Variants in U2SURP observed in about 807,000 individuals in gnomAD.
The protein encoded by U2SURP is U2 snRNP associated SURP domain containing, also known as U2 snRNP-associated SURP motif-containing protein.
A neutral mutation model predicts 144.9 loss-of-function variants in U2SURP; 9 were observed. That is an observed-to-expected ratio of 0.06 (90% CI 0.04 to 0.11). U2SURP has a LOEUF of 0.11. Among genes scored for constraint, U2SURP ranks in the 10% least tolerant of loss-of-function variants. U2SURP has a pLI of 1.00. For missense variants in U2SURP, 724 were observed against 1,226.7 expected (o/e 0.59, Z 6.12); for synonymous variants, 408 against 396.8 (o/e 1.03, Z -0.33).
intron 23 of U2SURP, among the ~76,000 whole-genome samples, chr3:143,039,555 A>G (rs1933988299): frequency 6.7e-6 from 1 of 149,952 alleles, no homozygotes; most frequent in South Asian, 2.1e-4. Flanking sequence ...GGCAGTTTTT[A>G]GGAAGTTCTT....
intron 17 of U2SURP, 27 bp downstream of exon 17, chr3:143,032,973 G>C: frequency 6.3e-7 from 1 of 1,598,700 alleles, no homozygotes; most frequent in Non-Finnish European, 8.5e-7. Flanking sequence ...TAAGAAAAGG[G>C]GAGATAGTTG....
Position 143,023,015 on chromosome 3 carries a change from C to T in U2SURP, c.1181C>T (p.Pro394Leu). ...NAQPRERLKN[P>L]NAPMLPPPKN... is the part of the protein sequence containing the mutation. ...CAGCCTAGAGAGCGGTTAAAAAACCCTAATGCTCCTATGTTACCGCCACCT... is the reference window on the plus strand; with the variant it reads ...CAGCCTAGAGAGCGGTTAAAAAACCTTAATGCTCCTATGTTACCGCCACCT... Residue 394 changes from proline to leucine, a missense_variant, in exon 12 of 28, where the codon CCT becomes CTT. Physicochemically the swap from Pro to Leu is moderately conservative, Grantham distance 98. Transcript: ENST00000473835. 1.2e-6 allele frequency: 2 copies of T among 1,610,978 alleles called. No homozygotes were observed. Among genetic ancestry groups the T allele is most frequent in the Non-Finnish European group, 1.7e-6 (2 of 1,178,508 alleles).
At chr3:143,039,587 A>G (rs940748739) in intron 23 of U2SURP, among the ~76,000 whole-genome samples, 1 of 143,540 alleles carries the variant, frequency 7.0e-6, no homozygotes, top group African/African-American at 2.6e-5. Flanking sequence ...AAATCATTGC[A>G]AAGGGAGTTG....
At chr3:143,046,297 A>ATTTTTTT (rs11400849) in intron 24 of U2SURP, among the ~76,000 whole-genome samples, 26 of 106,334 alleles carry the variant, frequency 2.4e-4, no homozygotes, top group Non-Finnish European at 3.1e-4. Context: ...TTTATTTTTT[A>ATTTTTTT]TTTTTTTTTA....
At chr3:143,029,339 A>G (rs975902382) in intron 16 of U2SURP, among the ~76,000 whole-genome samples, 1 of 152,198 alleles carries the variant, frequency 6.6e-6, no homozygotes, top group Non-Finnish European at 1.5e-5. Context: ...CCCTAAGTCA[A>G]ACAAATCTGT....
intron 1 of U2SURP, among the ~76,000 whole-genome samples, chr3:143,004,618 C>T (rs953571451): frequency 2.3e-5 from 3 of 130,406 alleles, no homozygotes; most frequent in Non-Finnish European, 4.7e-5. Context: ...GGATTATAGG[C>T]GTGAGCCACC....
chr3:143,036,201 T>G (rs1279733050), intron 20 of U2SURP, 97 bp downstream of exon 20: 4 of 1,313,266 alleles, frequency 3.0e-6, no homozygotes, highest in Non-Finnish European at 3.0e-6. Flanking sequence ...GGTACATTTC[T>G]TTGTGAAAAA....
Position 143,038,223 on chromosome 3 carries a change from A to G in U2SURP, c.2317+20A>G. The G allele has an allele frequency of 2.6e-6, 4 of 1,533,380 alleles. No homozygotes were observed. Among genetic ancestry groups the G allele is most frequent in the African/African-American group, 2.8e-5 (2 of 71,394 alleles). 95.0% of individuals were successfully genotyped at this position (1,533,380 alleles called of 1,614,324 possible). A position where few individuals can be genotyped will look rare whatever the true frequency, so the allele number is the denominator to read the frequency against. Reference sequence around the variant, plus strand: ...CACAGGGTGAGTAAAAGTAAAATAAATATTTTTTAAATTAAGTACTTGTAC... The same window carrying G: ...CACAGGGTGAGTAAAAGTAAAATAAGTATTTTTTAAATTAAGTACTTGTAC... On this transcript the variant is annotated intron_variant, in intron 22 of 27. Coordinates refer to ENST00000473835, the MANE Select transcript of U2SURP (RefSeq NM_001080415.2).
At chr3:143,035,909 T>A in intron 19 of U2SURP, 73 bp from the exon 20 acceptor site, 1 of 1,451,910 alleles carries the variant, frequency 6.9e-7, no homozygotes, top group Non-Finnish European at 9.1e-7. Context: ...ATCTTGATGA[T>A]CATTCTCATG....
At chr3:143,034,150 T>C (rs894448906) in intron 18 of U2SURP, among the ~76,000 whole-genome samples, 2 of 152,202 alleles carry the variant, frequency 1.3e-5, no homozygotes, top group African/African-American at 4.8e-5. Context: ...ACGCCTGTAA[T>C]CTCAGCACTT....
intron 1 of U2SURP, among the ~76,000 whole-genome samples, chr3:143,006,659 T>C (rs1313182865): frequency 6.6e-6 from 1 of 152,076 alleles, no homozygotes; most frequent in Non-Finnish European, 1.5e-5. Flanking sequence ...GGAGAATCGC[T>C]TGAACCTGGG....
intron 24 of U2SURP, among the ~76,000 whole-genome samples, chr3:143,046,133 AT>A (rs1348548361): frequency 6.6e-6 from 1 of 152,042 alleles, no homozygotes; most frequent in Non-Finnish European, 1.5e-5. Context: ...CCTAATAAAG[AT>A]ACCTATAGCT....
intron 24 of U2SURP, among the ~76,000 whole-genome samples, chr3:143,049,410 T>C (rs893627151): frequency 3.9e-5 from 6 of 152,200 alleles, no homozygotes; most frequent in Non-Finnish European, 5.9e-5. Flanking sequence ...TAGTAGCATT[T>C]AGTCCATTTA....
intron 24 of U2SURP, among the ~76,000 whole-genome samples, chr3:143,047,896 C>T (rs1481627897): frequency 5.3e-5 from 8 of 150,134 alleles, no homozygotes; most frequent in Admixed American, 4.0e-4. Context: ...CCCCCAACCT[C>T]CCTCCCGGAC....
At chr3:143,041,421 C>A (rs1371811066) in intron 23 of U2SURP, among the ~76,000 whole-genome samples, 1 of 151,776 alleles carries the variant, frequency 6.6e-6, no homozygotes, top group Admixed American at 6.6e-5. Flanking sequence ...CTTTTTTCTT[C>A]CTTAGCTAAT....
Position 143,021,534 on chromosome 3 carries a change from C to T in U2SURP, c.831C>T (p.Tyr277=), listed in dbSNP as rs1936634006. 1 of 1,613,380 alleles carries T rather than the reference C, an allele frequency of 6.2e-7. No homozygotes were observed. Residue 277 remains tyrosine (Y), a synonymous_variant, in exon 10 of 28, where the codon TAC becomes TAT. Transcript: ENST00000473835. ...GAGATCCAAGCACTACTAATTTATA[C>T]CTTGGAAACATTAATCCACAGGTAA... ...DVGDPSTTNL[Y]LGNINPQMNE...
At chr3:143,017,710 C>T (rs961251913) in intron 6 of U2SURP, among the ~76,000 whole-genome samples, 3 of 152,042 alleles carry the variant, frequency 2.0e-5, no homozygotes, top group African/African-American at 2.4e-5. Context: ...GCCTCAACCT[C>T]GTAGGCTCAG....
At chr3:143,051,709 T>A (rs1934875397) in intron 25 of U2SURP, among the ~76,000 whole-genome samples, 1 of 151,458 alleles carries the variant, frequency 6.6e-6, no homozygotes, top group African/African-American at 2.4e-5. Context: ...AAGCTGTTAA[T>A]GTACAAAACG....
chr3:143,044,874 C>G (rs7640645), intron 24 of U2SURP, among the ~76,000 whole-genome samples: 1 of 152,130 alleles, frequency 6.6e-6, no homozygotes, highest in Non-Finnish European at 1.5e-5. Flanking sequence ...TTTGTTTTAA[C>G]CTTATGTAGA....
Sources: gnomAD v4.1 joint callset for allele counts (sites outside exome capture counted in the v4.1 genomes callset) on GRCh38, gnomAD v4.1.1 for gene constraint, MANE v1.5 for transcripts, NCBI Gene and HGNC (gene_info 2026-07-23, HGNC 2026-07-21) for gene names.